The following GATM variants were observed in gnomAD, a reference collection of about 807,000 sequenced individuals.
GATM encodes glycine amidinotransferase, mitochondrial.
GATM carries 23 observed loss-of-function variants against 54.2 expected under a neutral mutation model. The ratio of observed to expected loss-of-function variants is 0.42; its 90% CI spans 0.31 to 0.60. GATM has a LOEUF of 0.60. Among genes scored for constraint, GATM ranks in the 20% least tolerant of loss-of-function variants. GATM has a pLI of 0.14. For missense variants in GATM, 401 were observed against 544.9 expected, an observed-to-expected ratio of 0.74 and a Z score of 2.63; for synonymous variants, 168 against 183.1, an observed-to-expected ratio of 0.92 and a Z score of 0.67.
At chr15:45,390,362 A>G (rs1889857721) in intron 3 of GATM, among the ~76,000 whole-genome samples, 1 of 152,264 alleles carries the variant, frequency 6.6e-6, no homozygotes, top group Non-Finnish European at 1.5e-5. Flanking sequence ...GTTGAATATT[A>G]CAAAAAGAAG....
At chr15:45,363,358 ATT>A (rs1889397607) in intron 8 of GATM, among the ~76,000 whole-genome samples, 1 of 152,210 alleles carries the variant, frequency 6.6e-6, no homozygotes, top group African/African-American at 2.4e-5. Context: ...ATTGGTCTAA[ATT>A]TTGAATATCA....
At chr15:45,364,149 A>G (rs543984970) in intron 7 of GATM, 133 bp from the exon 8 acceptor site, 2 of 710,982 alleles carry the variant, frequency 2.8e-6, no homozygotes, top group African/African-American at 3.5e-5. Context: ...ATTTATTTTA[A>G]TCTTAAAACA....
In GATM at chr15:45,364,854, G is replaced by C. The variant is rs373802463; in HGVS notation, c.985C>G (p.Leu329Val). The change falls in exon 7 of 9, where the codon CTT (leucine) becomes GTT (valine). Residue 329 changes from leucine to valine, a missense_variant. Around this residue, in one of 3 missense-constraint regions of GATM, gnomAD observed 321 missense variants for 457.5 expected, o/e 0.70. Coordinates refer to ENST00000396659, the MANE Select transcript of GATM (RefSeq NM_001482.3). Reference sequence around the variant, plus strand: ...ATAGTCCATCCTGCTTTCTTGAAAAGATCAATCTGTAAGACCAAAAAAAAC... The same window carrying C: ...ATAGTCCATCCTGCTTTCTTGAAAACATCAATCTGTAAGACCAAAAAAAAC... ...NPDRPCHQID[L>V]FKKAGWTIIT... 2 of 1,613,794 alleles carry C rather than the reference G, an allele frequency of 1.2e-6. No homozygotes were observed. The highest frequency in any genetic ancestry group is 1.7e-6 in the Non-Finnish European group (2 of 1,179,822).
intron 3 of GATM, among the ~76,000 whole-genome samples, chr15:45,384,832 C>T (rs752798118): frequency 6.6e-6 from 1 of 152,102 alleles, no homozygotes; most frequent in Non-Finnish European, 1.5e-5. Flanking sequence ...CCTCAAACTC[C>T]CAAGTACCAG....
intron 4 of GATM, among the ~76,000 whole-genome samples, chr15:45,366,878 TATTC>T (rs1889458098): frequency 6.6e-6 from 1 of 152,214 alleles, no homozygotes; most frequent in African/African-American, 2.4e-5. Context: ...TCCATTTTAT[TATTC>T]ATTATTGTTG....
At chr15:45,374,405 G>C (rs1889593351) in intron 2 of GATM, among the ~76,000 whole-genome samples, 3 of 152,158 alleles carry the variant, frequency 2.0e-5, no homozygotes, top group Admixed American at 1.3e-4. Context: ...TTATTGCTTG[G>C]ATTTAAATTT....
rs370155767 is a variant in GATM, at chr15:45,378,386, C to G, written c.68G>C (p.Arg23Pro). The G allele has an allele frequency of 1.3e-6, 2 of 1,520,008 alleles. No homozygotes were observed. The highest frequency in any genetic ancestry group is 8.8e-7 in the Non-Finnish European group (1 of 1,140,300). The allele number at this position is 1,520,008 out of a possible 1,614,324, so 94.2% of individuals were successfully genotyped here. ...GAEAVHYIGS[R>P]LGRTLTGWVQ... ...AGACGAGGCCGGTGGCGCACGCACC[C>G]GAGATCCGATGTAGTGCACCGCCTC... is the stretch of plus-strand genomic sequence containing the variant. Residue 23 changes from arginine to proline, a missense_variant and splice_region_variant, in exon 1 of 9, where the codon CGG (arginine) becomes CCG (proline). By Grantham distance (103) the Arg-to-Pro change is moderately radical. Around this residue, in one of 3 missense-constraint regions of GATM, gnomAD observed 70 missense variants for 61.5 expected, o/e 1.14. Coordinates refer to ENST00000396659, the MANE Select transcript of GATM (RefSeq NM_001482.3).
chr15:45,388,677 A>G (rs1400137824), intron 3 of GATM, among the ~76,000 whole-genome samples: 1 of 152,084 alleles, frequency 6.6e-6, no homozygotes, highest in African/African-American at 2.4e-5. Flanking sequence ...GGCATTATGG[A>G]GTTCTGGAAA....
intron 3 of GATM, 52 bp downstream of exon 3, chr15:45,369,273 GA>G (rs1224310078): frequency 1.7e-5 from 26 of 1,523,680 alleles, no homozygotes; most frequent in Non-Finnish European, 2.3e-5. Flanking sequence ...TACACATTAA[GA>G]AAGAAATTGA....
At chr15:45,365,213 T>C (rs1889428908) in intron 6 of GATM, among the ~76,000 whole-genome samples, 1 of 152,172 alleles carries the variant, frequency 6.6e-6, no homozygotes, top group Admixed American at 6.5e-5. Flanking sequence ...AAAACAAAAA[T>C]GTGACTACAT....
chr15:45,399,778 G>A (rs1378192217), intron 1 of GATM, among the ~76,000 whole-genome samples: 1 of 152,200 alleles, frequency 6.6e-6, no homozygotes, highest in African/African-American at 2.4e-5. Flanking sequence ...TAACAATCCT[G>A]TAGCCTTCAG....
rs1889481864 is a variant in GATM, at chr15:45,368,265, C to T, written c.485-5G>A. On this transcript the variant is annotated splice_polypyrimidine_tract_variant and splice_region_variant and intron_variant, in intron 3 of 8. Transcript: ENST00000396659. The surrounding 1 kb of genome is among the most constrained non-coding windows in gnomAD (Gnocchi z 5.1). The stretch of plus-strand genomic sequence containing the variant: ...GAGGCATTGCACTGTATAAACCTGT[C>T]AGACCAAAAAATTCCATGACAACTT... 6 of 1,613,222 alleles carry T rather than the reference C, an allele frequency of 3.7e-6. No individual in the cohort carries two copies. Among genetic ancestry groups the T allele is most frequent in the African/African-American group, 2.7e-5 (2 of 74,902 alleles).
rs147407289 is a variant in GATM at position 45,375,736 on chromosome 15, C to T, written c.288+865G>A. Among the ~76,000 whole-genome samples, 9 of 150,472 alleles carry T rather than the reference C, an allele frequency of 6.0e-5. No homozygotes were observed. In the East Asian group the frequency reaches 8.0e-4, roughly 13 times the overall value. ...AGACAAGAGTCAGATTGTGAAGGAT[C>T]TTGAATACCATGAAGACTTTATCCT... On this transcript the variant is annotated intron_variant, in intron 2 of 8. Transcript: ENST00000396659.
chr15:45,378,726 G>T, upstream of GATM: 1 of 360,642 alleles, frequency 2.8e-6, no homozygotes, highest in Non-Finnish European at 5.0e-6. Context: ...TAGCCAGCGG[G>T]GCCACTGACG....
Position 45,369,395 on chromosome 15 carries a change from C to T in GATM, c.415G>A (p.Val139Met), listed in dbSNP as rs761735656. ...EMCNILKTEG[V>M]TVRRPDPIDW... is the part of the protein sequence containing the mutation. ...ATGGGGTCAGGCCTCCTTACTGTCA[C>T]TCCTTCCGTTTTTAAAATATTGCAC... is the stretch of plus-strand genomic sequence containing the variant. Residue 139 changes from valine to methionine, a missense_variant, in exon 3 of 9, where the codon GTG (valine) becomes ATG (methionine). By Grantham distance (21) the Val-to-Met change is conservative. Around this residue, in one of 3 missense-constraint regions of GATM, gnomAD observed 321 missense variants for 457.5 expected, o/e 0.70. Coordinates refer to ENST00000396659, the MANE Select transcript of GATM (RefSeq NM_001482.3). 1 of 1,614,198 alleles carries T rather than the reference C, an allele frequency of 6.2e-7. No individual in the cohort carries two copies. The highest frequency in any genetic ancestry group is 8.5e-7 in the Non-Finnish European group (1 of 1,180,030).
intron 2 of GATM, among the ~76,000 whole-genome samples, chr15:45,371,009 G>A (rs566246347): frequency 7.2e-5 from 11 of 152,256 alleles, no homozygotes; most frequent in East Asian, 3.9e-4. Context: ...TCCTGACCTC[G>A]TGATCCACCC....
chr15:45,371,068 C>T (rs896645799), intron 2 of GATM, among the ~76,000 whole-genome samples: 3 of 152,156 alleles, frequency 2.0e-5, no homozygotes, highest in Non-Finnish European at 2.9e-5. Context: ...CCACCATGCC[C>T]GGCCAAAATA....
At chr15:45,375,228 GC>G (rs760419140) in intron 2 of GATM, among the ~76,000 whole-genome samples, 120 of 152,172 alleles carry the variant, frequency 7.9e-4, no homozygotes, top group Admixed American at 2.3e-3. Context: ...CCGCCACCAC[GC>G]CTGGCTAATT....
In GATM at chr15:45,368,875, A is replaced by C. The variant is rs1889492109; in HGVS notation, c.484+451T>G. On this transcript the variant is annotated intron_variant, in intron 3 of 8. Transcript: ENST00000396659. This position sits in a 1 kb window ranked among gnomAD's most constrained non-coding sequence, Gnocchi z 5.1. Reference sequence around the variant, plus strand: ...GTAAGCTCCTTTCTTGCTATACAGAAACACAGCTCTTAAAGGACTATCGGT... The same window carrying C: ...GTAAGCTCCTTTCTTGCTATACAGACACACAGCTCTTAAAGGACTATCGGT... Among the ~76,000 whole-genome samples, 1 of 152,134 alleles carries C rather than the reference A, an allele frequency of 6.6e-6. No individual in the cohort carries two copies. The highest frequency in any genetic ancestry group is 2.4e-5 in the African/African-American group (1 of 41,416).
Sources: gnomAD v4.1 joint callset for allele counts (sites outside exome capture counted in the v4.1 genomes callset) on GRCh38, gnomAD v4.1.1 for gene constraint, gnomAD v4.1.1 regional missense constraint, Gnocchi (gnomAD v3.1) non-coding constraint, MANE v1.5 for transcripts, NCBI Gene and HGNC (gene_info 2026-07-23, HGNC 2026-07-21) for gene names.